Variants in FAM153A observed in about 807,000 individuals in gnomAD.
The protein encoded by FAM153A is protein FAM153A.
Under a neutral mutation model 48.1 loss-of-function variants are expected in FAM153A, and 12 were observed. That is an observed-to-expected ratio of 0.25 (90% CI 0.16 to 0.40). FAM153A has a LOEUF of 0.40. Among genes scored for constraint, FAM153A ranks in the 10% least tolerant of loss-of-function variants. FAM153A has a pLI of 1.00. For synonymous variants in FAM153A, 36 were observed against 118.2 expected (o/e 0.30, Z 4.51); for missense variants, 111 against 345.8 (o/e 0.32, Z 5.38).
At chr5:177,766,414 G>T (rs1267953063) in intron 1 of FAM153A, among the ~76,000 whole-genome samples, 16 of 34,134 alleles carry the variant, frequency 4.7e-4, no homozygotes, top group African/African-American at 1.3e-3. Context: ...GGAATACATA[G>T]TCAGCAGATT....
downstream of FAM153A, chr5:177,706,958 G>A (rs1483191472): frequency 6.6e-6 from 1 of 151,922 alleles, no homozygotes; most frequent in Non-Finnish European, 1.5e-5. Flanking sequence ...AGAAAATAAA[G>A]GTCATTATAA....
At chr5:177,754,425 A>G (rs1767470898), upstream of FAM153A, among the ~76,000 whole-genome samples, 1 of 151,808 alleles carries the variant, frequency 6.6e-6, no homozygotes, top group South Asian at 2.1e-4. Context: ...GCATAGCCAA[A>G]CAAAAGGCAG....
exon 27 of FAM153A, chr5:177,711,635 TTATGCCAAAAGAAGTAA>T (rs1758492647): frequency 1.3e-5 from 2 of 151,952 alleles, no homozygotes. Context: ...ACAATTTAAA[TTATGCCAAAAGAAGTAA>T]TGTGTTTTTG....
chr5:177,722,076 A>C (rs1761147131), downstream of FAM153A: 2 of 150,278 alleles, frequency 1.3e-5, no homozygotes, highest in Admixed American at 1.3e-4. Context: ...GAAACAATAC[A>C]AGAACAATTT....
downstream of FAM153A, among the ~76,000 whole-genome samples, chr5:177,709,257 CTTT>C (rs59687881): frequency 0.27 from 31,821 of 116,370 alleles, 3,409 homozygotes; most frequent in South Asian, 0.35. Context: ...AAAAAGGAAT[CTTT>C]TTTTTTTTTT....
the FAM153A span, among the ~76,000 whole-genome samples, chr5:177,697,949 C>G: frequency 2.4e-5 from 2 of 82,622 alleles, no homozygotes; most frequent in Admixed American, 2.2e-4. Flanking sequence ...GGTTGTTGCT[C>G]CTCTTCTTTT....
chr5:177,722,861 AACAG>A (rs1488727240), downstream of FAM153A: 1 of 150,304 alleles, frequency 6.7e-6, no homozygotes, highest in Non-Finnish European at 1.5e-5. Flanking sequence ...CGGAGGGTAA[AACAG>A]ACACACAGAA....
rs548471144 is a variant in FAM153A, at chr5:177,739,258, A to G, written c.538-121T>C. On this transcript the variant is annotated intron_variant, in intron 9 of 20. Transcript: ENST00000614127. The stretch of plus-strand genomic sequence containing the variant: ...GGAAATTCTGGTGGAGGCAATGGCC[A>G]CAAAAATAAAGCCTAGAGAACACTT... The G allele has an allele frequency of 1.4e-3, 1,366 of 954,712 alleles. 26 individuals are homozygous for G. The African/African-American group carries it at 0.022, about 16-fold the overall frequency. 59.1% of individuals were successfully genotyped at this position (954,712 alleles called of 1,614,324 possible).
chr5:177,781,064 AG>A (rs1394895166), upstream of FAM153A, among the ~76,000 whole-genome samples: 3 of 81,562 alleles, frequency 3.7e-5, no homozygotes, highest in East Asian at 8.0e-4. Context: ...CCCCTTTTAC[AG>A]TTTTTGATTA....
intron 6 of FAM153A, among the ~76,000 whole-genome samples, chr5:177,743,206 GTTT>G (rs1453924824): frequency 1.5e-5 from 1 of 65,638 alleles, no homozygotes; most frequent in Non-Finnish European, 2.9e-5. Flanking sequence ...TTTTTGTTTT[GTTT>G]TTTTTTTTTT....
At chr5:177,764,019 C>T in intron 1 of FAM153A, among the ~76,000 whole-genome samples, 1 of 149,632 alleles carries the variant, frequency 6.7e-6, no homozygotes, top group Non-Finnish European at 1.5e-5. Context: ...GTGAGGACAG[C>T]TGTGAACACC....
At chr5:177,759,261 C>G (rs1047870370) in intron 1 of FAM153A, among the ~76,000 whole-genome samples, 1 of 151,818 alleles carries the variant, frequency 6.6e-6, no homozygotes, top group African/African-American at 2.4e-5. Context: ...ATCAAAACCA[C>G]AATGACATAC....
intron 1 of FAM153A, among the ~76,000 whole-genome samples, chr5:177,752,932 CAAA>C (rs374466697): frequency 3.1e-5 from 3 of 97,680 alleles, no homozygotes; most frequent in Admixed American, 1.0e-4. Flanking sequence ...TTCACTCTTC[CAAA>C]AAAAAAAAAA....
At position 177,743,598 on chromosome 5, in the gene FAM153A, T is replaced by TC. The variant is rs915510153; in HGVS notation, c.364+795dup. Among the ~76,000 whole-genome samples the TC allele has an allele frequency of 6.0e-5, 6 of 99,462 alleles. 2 individuals are homozygous for TC. The highest frequency in any genetic ancestry group is 2.4e-4 in the African/African-American group (6 of 25,488). 65.3% of individuals were successfully genotyped at this position (99,462 alleles called of 152,430 possible). ...CCTGCAGGCTCCTCTCTTCTCAGTT[T>TC]CCCAGCAGAACTCGCTGTAGCATGA... is the stretch of plus-strand genomic sequence containing the variant. On this transcript the variant is annotated intron_variant, in intron 6 of 20. Transcript: ENST00000614127.
chr5:177,727,984 TCAAA>T (rs1335751002), intron 18 of FAM153A, among the ~76,000 whole-genome samples: 2 of 68,992 alleles, frequency 2.9e-5, no homozygotes, highest in Non-Finnish European at 2.8e-5. Flanking sequence ...ATGTACCTAC[TCAAA>T]CAAACCCTGG....
chr5:177,699,898 A>C, the FAM153A span, among the ~76,000 whole-genome samples: 2 of 151,828 alleles, frequency 1.3e-5, no homozygotes, highest in Non-Finnish European at 2.9e-5. Context: ...GAAAAAAAAA[A>C]ACACAAGAAG....
chr5:177,756,159 A>G (rs1352901194), upstream of FAM153A, among the ~76,000 whole-genome samples: 41 of 150,790 alleles, frequency 2.7e-4, no homozygotes, highest in Middle Eastern at 6.8e-3. Flanking sequence ...AGCAAATGGA[A>G]AACAAAAAAA....
At chr5:177,699,117 A>T in the FAM153A span, among the ~76,000 whole-genome samples, 13 of 151,854 alleles carry the variant, frequency 8.6e-5, no homozygotes, top group South Asian at 2.7e-3. Context: ...CCCATATTTT[A>T]AAATGTATCC....
chr5:177,695,957 G>C, the FAM153A span, among the ~76,000 whole-genome samples: 1 of 88,162 alleles, frequency 1.1e-5, no homozygotes, highest in Admixed American at 1.1e-4. Context: ...ACGGGGTGGC[G>C]GCTGGGCAGA....
Sources: gnomAD v4.1 joint callset for allele counts (sites outside exome capture counted in the v4.1 genomes callset) on GRCh38, gnomAD v4.1.1 for gene constraint, MANE v1.5 for transcripts, NCBI Gene and HGNC (gene_info 2026-07-23, HGNC 2026-07-21) for gene names.